The following SLC44A3 variants were observed in gnomAD, a reference collection of about 807,000 sequenced individuals.
The protein encoded by SLC44A3 is solute carrier family 44 member 3, also known as choline transporter-like protein 3.
In SLC44A3, 74 loss-of-function variants were observed where a neutral mutation model predicts 75.4. That is an observed-to-expected ratio of 0.98 (90% CI 0.81 to 1.19). The LOEUF (loss-of-function observed/expected upper bound fraction) is 1.19, where lower values mean the gene tolerates loss of function less well. SLC44A3 is among the 50% of genes most tolerant of loss of function. The pLI, the probability that SLC44A3 is intolerant of heterozygous loss-of-function variation, is 0.00. For synonymous variants in SLC44A3, 310 were observed against 296.9 expected (o/e 1.04, Z -0.45); for missense variants, 700 against 778.6 (o/e 0.90, Z 1.20).
At chr1:94,846,948 C>T (rs551025268) in intron 9 of SLC44A3, among the ~76,000 whole-genome samples, 147 of 152,340 alleles carry the variant, frequency 9.6e-4, no homozygotes, top group African/African-American at 3.1e-3. Context: ...GTGCCAAGAT[C>T]GTCAGCAGGC....
chr1:94,839,811 G>C (rs888164022), intron 6 of SLC44A3, 137 bp from the exon 7 acceptor site: 4 of 692,324 alleles, frequency 5.8e-6, no homozygotes, highest in Non-Finnish European at 1.0e-5. Flanking sequence ...GTGTTTAGTA[G>C]ATATCCCAAG....
At chr1:94,838,135 G>A (rs111242268) in intron 6 of SLC44A3, among the ~76,000 whole-genome samples, 2 of 152,310 alleles carry the variant, frequency 1.3e-5, no homozygotes, top group African/African-American at 4.8e-5. Context: ...ACTGGGGATG[G>A]GTATATAAAG....
At chr1:94,851,553 C>T (rs1034655196) in intron 9 of SLC44A3, among the ~76,000 whole-genome samples, 1 of 152,234 alleles carries the variant, frequency 6.6e-6, no homozygotes, top group Non-Finnish European at 1.5e-5. Context: ...AGTTCCCTAC[C>T]TGAATGGATT....
chr1:94,859,474 C>T (rs966297519), intron 10 of SLC44A3, among the ~76,000 whole-genome samples: 1 of 152,146 alleles, frequency 6.6e-6, no homozygotes, highest in Non-Finnish European at 1.5e-5. Context: ...GCAGCCTGTC[C>T]GTGTGTGTTG....
At chr1:94,876,048 G>T (rs1277289429) in intron 12 of SLC44A3, among the ~76,000 whole-genome samples, 1 of 152,210 alleles carries the variant, frequency 6.6e-6, no homozygotes, top group Non-Finnish European at 1.5e-5. Context: ...AGCTGAAACT[G>T]ACTCCTCCTA....
intron 12 of SLC44A3, chr1:94,888,850 C>A: frequency 3.9e-6 from 1 of 257,832 alleles, no homozygotes. Context: ...CTGCCTCAGC[C>A]TTCCCAGTAG....
chr1:94,837,851 G>T lies in SLC44A3; in HGVS notation c.650G>T (p.Gly217Val). ...GIMSGRDTILGLCILALALSL... is the reference protein window; with the variant it reads ...GIMSGRDTILVLCILALALSL... ...ATGTCGGGAAGAGATACAATCCTTGGCCTGTGTATCCTCGCATTAGGTAAT... is the reference window on the plus strand; with the variant it reads ...ATGTCGGGAAGAGATACAATCCTTGTCCTGTGTATCCTCGCATTAGGTAAT... Residue 217 changes from glycine to valine, a missense_variant, in exon 6 of 15, where the codon GGC (glycine) becomes GTC (valine). Coordinates refer to ENST00000271227, the MANE Select transcript of SLC44A3 (RefSeq NM_001114106.3). 6.2e-7 allele frequency: 1 copy of T among 1,602,036 alleles called. No homozygotes were observed. The highest frequency in any genetic ancestry group is 8.5e-7 in the Non-Finnish European group (1 of 1,176,704).
intron 5 of SLC44A3, among the ~76,000 whole-genome samples, chr1:94,831,664 G>A (rs1247665857): frequency 6.6e-6 from 1 of 152,156 alleles, no homozygotes; most frequent in Non-Finnish European, 1.5e-5. Context: ...AAATCTAAAA[G>A]GCGTGGATAT....
At chr1:94,879,314 A>C (rs1329422582) in intron 12 of SLC44A3, among the ~76,000 whole-genome samples, 1 of 151,898 alleles carries the variant, frequency 6.6e-6, no homozygotes. Context: ...CGGGCAGATC[A>C]TGAGGTCAGG....
intron 3 of SLC44A3, chr1:94,825,690 A>C (rs1211542870): frequency 2.8e-6 from 1 of 353,986 alleles, no homozygotes; most frequent in Non-Finnish European, 5.6e-6. Context: ...CTAAGGATCT[A>C]AATAAATCCT....
At chr1:94,878,464 A>G (rs1469884440) in intron 12 of SLC44A3, among the ~76,000 whole-genome samples, 2 of 152,144 alleles carry the variant, frequency 1.3e-5, no homozygotes, top group African/African-American at 2.4e-5. Flanking sequence ...GCTTTTTAAC[A>G]TATACCAAAA....
intron 14 of SLC44A3, among the ~76,000 whole-genome samples, chr1:94,893,085 C>T (rs532321916): frequency 6.6e-6 from 1 of 152,344 alleles, no homozygotes; most frequent in South Asian, 2.1e-4. Context: ...TAGCAGGCAG[C>T]TGTTTGCAAC....
chr1:94,880,011 A>C (rs1668778086), intron 12 of SLC44A3, among the ~76,000 whole-genome samples: 1 of 152,220 alleles, frequency 6.6e-6, no homozygotes, highest in Admixed American at 6.5e-5. Context: ...CTATCAAAAG[A>C]ACAGAAAATA....
rs574225858 is a variant in SLC44A3 at position 94,888,891 on chromosome 1, G to T, written c.1483-2239G>T. On this transcript the variant is annotated intron_variant, in intron 12 of 14. Transcript: ENST00000271227. ...ATCATAGGCATGTGCCACCACGACT[G>T]GCTATATATATATATATATACACAT... 8.4e-3 allele frequency among the ~76,000 whole-genome samples: 772 copies of T among 91,696 alleles called. 3 individuals are homozygous for T. Among genetic ancestry groups the T allele is most frequent in the Non-Finnish European group, 0.011 (516 of 46,022 alleles). 60.2% of individuals were successfully genotyped at this position (91,696 alleles called of 152,430 possible). A position where few individuals can be genotyped will look rare whatever the true frequency, so the allele number is the denominator to read the frequency against.
At chr1:94,828,455 TG>T in intron 4 of SLC44A3, 37 bp from the exon 5 acceptor site, 2 of 1,565,486 alleles carry the variant, frequency 1.3e-6, no homozygotes, top group Non-Finnish European at 1.7e-6. Flanking sequence ...CTGACTCACC[TG>T]GAAAGAAGGT....
chr1:94,879,405 G>A (rs1009273754), intron 12 of SLC44A3, among the ~76,000 whole-genome samples: 1 of 151,836 alleles, frequency 6.6e-6, no homozygotes, highest in Non-Finnish European at 1.5e-5. Context: ...GGTGGTGCAT[G>A]CCTGTAATCC....
intron 12 of SLC44A3, among the ~76,000 whole-genome samples, chr1:94,872,502 C>T (rs1001680923): frequency 2.6e-5 from 4 of 151,968 alleles, no homozygotes; most frequent in African/African-American, 9.7e-5. Flanking sequence ...AGGCAATGAG[C>T]TGTGGGCTAG....
chr1:94,880,902 A>AG (rs1668889684), intron 12 of SLC44A3, among the ~76,000 whole-genome samples: 1 of 58,116 alleles, frequency 1.7e-5, no homozygotes, highest in African/African-American at 6.7e-5. Flanking sequence ...TTTTTTAATG[A>AG]CAAAAAAAAA....
intron 5 of SLC44A3, among the ~76,000 whole-genome samples, chr1:94,831,478 T>A (rs1156697651): frequency 6.6e-6 from 1 of 152,224 alleles, no homozygotes; most frequent in Non-Finnish European, 1.5e-5. Context: ...CGTCTGTCGG[T>A]CATGTGAGGT....
Sources: allele counts gnomAD v4.1 joint callset (sites outside exome capture counted in the v4.1 genomes callset), GRCh38; gene constraint gnomAD v4.1.1; transcripts MANE v1.5; gene names NCBI Gene and HGNC (gene_info 2026-07-23, HGNC 2026-07-21).